PTN: variants seen among roughly 807,000 people sequenced by gnomAD.
The protein encoded by PTN is pleiotrophin.
A neutral mutation model predicts 24.1 loss-of-function variants in PTN; 18 were observed. The ratio of observed to expected loss-of-function variants is 0.75; its 90% CI spans 0.52 to 1.11. PTN has a LOEUF of 1.11. PTN is among the 50% of genes least tolerant of loss of function. PTN has a pLI of 0.00. For missense variants in PTN, 163 were observed against 198.8 expected (o/e 0.82, Z 1.08); for synonymous variants, 78 against 68.6 (o/e 1.14, Z -0.67).
intron 1 of PTN, 102 bp from the exon 2 acceptor site, chr7:137,255,076 A>T (rs1431791100): frequency 2.2e-5 from 16 of 717,944 alleles, no homozygotes; most frequent in Admixed American, 3.0e-5. Context: ...CATTTCTGGA[A>T]TGTTAGATTT....
chr7:137,235,407 A>C (rs1466578794), intron 4 of PTN, among the ~76,000 whole-genome samples: 2 of 152,162 alleles, frequency 1.3e-5, no homozygotes, highest in Non-Finnish European at 1.5e-5. Context: ...TAGGCTGCCT[A>C]ACGTGGCACT....
intron 2 of PTN, 75 bp downstream of exon 2, chr7:137,254,784 G>T: frequency 1.0e-6 from 1 of 970,598 alleles, no homozygotes; most frequent in Non-Finnish European, 1.5e-6. Context: ...TAGAAGAGAG[G>T]AAGGAAAAGC....
intron 3 of PTN, among the ~76,000 whole-genome samples, chr7:137,252,900 T>C (rs1452017052): frequency 2.0e-5 from 3 of 152,314 alleles, no homozygotes; most frequent in African/African-American, 4.8e-5. Flanking sequence ...TGAGCAGCCC[T>C]GCTGAACTCA....
chr7:137,329,784 C>T (rs1810320086), intron 1 of PTN, among the ~76,000 whole-genome samples: 1 of 152,086 alleles, frequency 6.6e-6, no homozygotes, highest in South Asian at 2.1e-4. Context: ...GTGGGTACTC[C>T]ATCATTTTCA....
At chr7:137,318,741 G>A (rs1810114007) in intron 1 of PTN, 2 of 146,296 alleles carry the variant, frequency 1.4e-5, no homozygotes. Flanking sequence ...GACAACCTAA[G>A]TTCAAATCTA....
chr7:137,343,069 T>C (rs932403350), intron 1 of PTN, among the ~76,000 whole-genome samples: 2 of 152,096 alleles, frequency 1.3e-5, no homozygotes, highest in African/African-American at 4.8e-5. Flanking sequence ...TCTTTGCACC[T>C]ACCCAGCCAG....
chr7:137,283,815 C>T (rs1809509618), intron 1 of PTN, among the ~76,000 whole-genome samples: 1 of 152,110 alleles, frequency 6.6e-6, no homozygotes, highest in Non-Finnish European at 1.5e-5. Context: ...GCCCACTTTT[C>T]TTTCCTTCTA....
chr7:137,230,694 G>A (rs1243263432), intron 4 of PTN, among the ~76,000 whole-genome samples: 1 of 151,676 alleles, frequency 6.6e-6, no homozygotes, highest in Non-Finnish European at 1.5e-5. Context: ...GCTTATCTCT[G>A]TGGCCTCAAA....
chr7:137,329,642 T>C (rs1049885401), intron 1 of PTN, among the ~76,000 whole-genome samples: 2 of 152,162 alleles, frequency 1.3e-5, no homozygotes, highest in African/African-American at 2.4e-5. Flanking sequence ...GGGCAGCCAG[T>C]TAATATTAAT....
intron 1 of PTN, among the ~76,000 whole-genome samples, chr7:137,308,463 GACTAAAACCTT>G (rs1287863891): frequency 1.2e-4 from 19 of 152,292 alleles, no homozygotes; most frequent in African/African-American, 4.6e-4. Flanking sequence ...CAATTTGGAT[GACTAAAACCTT>G]TTGAAACTGC....
At chr7:137,341,329 C>T (rs1810530180) in intron 1 of PTN, among the ~76,000 whole-genome samples, 3 of 151,930 alleles carry the variant, frequency 2.0e-5, no homozygotes, top group Admixed American at 2.0e-4. Flanking sequence ...TGAAAATGCT[C>T]ATTAAAAAGA....
At chr7:137,296,920 G>A (rs749416022) in intron 1 of PTN, among the ~76,000 whole-genome samples, 1 of 152,024 alleles carries the variant, frequency 6.6e-6, no homozygotes, top group Non-Finnish European at 1.5e-5. Flanking sequence ...AGTTGTCTGG[G>A]AAGTTTGTTA....
At chr7:137,271,434 T>C (rs1809270281) in intron 1 of PTN, among the ~76,000 whole-genome samples, 1 of 152,186 alleles carries the variant, frequency 6.6e-6, no homozygotes, top group Admixed American at 6.5e-5. Flanking sequence ...AAAACTGTCT[T>C]CTACTTCAAA....
rs201220638 is a variant in PTN, at chr7:137,253,449, T to A, written c.289+15A>T. Reference sequence around the variant, plus strand: ...ATCTCAGAGTAGGAGATTAACTCAGTAGCATGAGGCTTACCGCCAAATTGC... The same window carrying A: ...ATCTCAGAGTAGGAGATTAACTCAGAAGCATGAGGCTTACCGCCAAATTGC... On this transcript the variant is annotated intron_variant, in intron 3 of 4. Transcript: ENST00000348225. The A allele has an allele frequency of 1.3e-3, 1,998 of 1,587,534 alleles. 37 individuals carry two copies. In the South Asian group the frequency reaches 0.021, roughly 17 times the overall value.
intron 1 of PTN, among the ~76,000 whole-genome samples, chr7:137,255,708 T>A (rs1027347499): frequency 2.0e-5 from 3 of 152,202 alleles, no homozygotes; most frequent in Non-Finnish European, 4.4e-5. Context: ...TTGATGTGAA[T>A]CAAAAATCCC....
intron 1 of PTN, among the ~76,000 whole-genome samples, chr7:137,263,390 G>A (rs2128872973): frequency 6.6e-6 from 1 of 152,242 alleles, no homozygotes; most frequent in African/African-American, 2.4e-5. Flanking sequence ...AACTAGTAAG[G>A]TTAAATTTCT....
chr7:137,309,252 G>A (rs2064634163), intron 1 of PTN, among the ~76,000 whole-genome samples: 1 of 152,192 alleles, frequency 6.6e-6, no homozygotes, highest in Admixed American at 6.5e-5. Context: ...TGCAATAGCA[G>A]TATGTCTTAA....
At chr7:137,335,892 C>T (rs1240884453) in intron 1 of PTN, among the ~76,000 whole-genome samples, 2 of 149,980 alleles carry the variant, frequency 1.3e-5, no homozygotes, top group Admixed American at 6.6e-5. Flanking sequence ...GAAAGCATGC[C>T]TGTTTCAGTT....
chr7:137,311,736 A>G (rs185136454), intron 1 of PTN, among the ~76,000 whole-genome samples: 1 of 152,336 alleles, frequency 6.6e-6, no homozygotes, highest in Non-Finnish European at 1.5e-5. Context: ...TAAGTTCGCC[A>G]TCTTATACAG....
Sources: allele counts gnomAD v4.1 joint callset (sites outside exome capture counted in the v4.1 genomes callset), GRCh38; gene constraint gnomAD v4.1.1; transcripts MANE v1.5; gene names NCBI Gene and HGNC (gene_info 2026-07-23, HGNC 2026-07-21).